Variants in PTPRJ observed in about 807,000 individuals in gnomAD.
PTPRJ encodes receptor-type tyrosine-protein phosphatase eta.
A neutral mutation model predicts 141.3 loss-of-function variants in PTPRJ; 129 were observed. That is an observed-to-expected ratio of 0.91 (90% confidence interval 0.79 to 1.06). The LOEUF (loss-of-function observed/expected upper bound fraction) is 1.06. Ranked by LOEUF, PTPRJ falls within the 50% of genes least tolerant of loss-of-function variation. The pLI is 0.00. For synonymous variants in PTPRJ, 610 were observed against 640.5 expected (o/e 0.95, Z 0.72); for missense variants, 1,601 against 1,679.7 (o/e 0.95, Z 0.82).
chr11:47,992,277 G>A (rs1011211823), intron 1 of PTPRJ, among the ~76,000 whole-genome samples: 31 of 152,038 alleles, frequency 2.0e-4, no homozygotes, highest in Non-Finnish European at 4.1e-4. Context: ...GGGTTCAAGC[G>A]ATTCTTGTGC....
At chr11:48,000,269 T>TA (rs1854459323) in intron 1 of PTPRJ, among the ~76,000 whole-genome samples, 3 of 151,592 alleles carry the variant, frequency 2.0e-5, no homozygotes, top group African/African-American at 7.3e-5. Context: ...CCTGCCTGAG[T>TA]AGCTGGGACT....
chr11:48,030,254 A>C (rs772127150), intron 1 of PTPRJ, among the ~76,000 whole-genome samples: 71 of 152,208 alleles, frequency 4.7e-4, no homozygotes, highest in Non-Finnish European at 8.8e-5. Flanking sequence ...AACAGCAACA[A>C]ATCAGATTTA....
rs780684258 is a variant in PTPRJ, at chr11:48,159,977, A to C, written c.3486A>C (p.Gly1162=). The C allele has an allele frequency of 1.2e-6, 2 of 1,614,000 alleles. No homozygotes were observed. The highest frequency in any genetic ancestry group is 2.2e-5 in the South Asian group (2 of 91,080). The part of the protein sequence containing the change: ...YWPSKQAQDY[G]DITVAMTSEI... The stretch of plus-strand genomic sequence containing the variant: ...CCTCCAAGCAGGCTCAGGACTATGG[A>C]GACATAACTGTGGCAATGACATCAG... Residue 1162 remains glycine, a synonymous_variant, in exon 22 of 25, where the codon GGA becomes GGC. Transcript: ENST00000418331.
intron 1 of PTPRJ, among the ~76,000 whole-genome samples, chr11:48,068,494 C>T (rs568804996): frequency 2.3e-4 from 35 of 152,270 alleles, no homozygotes; most frequent in Non-Finnish European, 4.3e-4. Context: ...GACTTTGCGC[C>T]TCCTTCCCCT....
intron 1 of PTPRJ, among the ~76,000 whole-genome samples, chr11:48,058,661 C>T (rs1238067593): frequency 6.6e-6 from 1 of 152,214 alleles, no homozygotes; most frequent in Non-Finnish European, 1.5e-5. Flanking sequence ...CGTCTCTCAC[C>T]TGGATTAGTG....
At chr11:48,017,199 A>G (rs1854974764) in intron 1 of PTPRJ, among the ~76,000 whole-genome samples, 1 of 152,204 alleles carries the variant, frequency 6.6e-6, no homozygotes, top group African/African-American at 2.4e-5. Context: ...CTGCTATCAG[A>G]TTGGAAACAG....
At chr11:48,018,679 G>A (rs1232235935) in intron 1 of PTPRJ, among the ~76,000 whole-genome samples, 2 of 152,202 alleles carry the variant, frequency 1.3e-5, no homozygotes, top group Non-Finnish European at 2.9e-5. Flanking sequence ...GGGGAGGGGC[G>A]TCGGGGCCCA....
chr11:48,121,332 G>T, intron 4 of PTPRJ, 66 bp downstream of exon 4: 1 of 1,509,418 alleles, frequency 6.6e-7, no homozygotes. Context: ...CTAGGGCCTT[G>T]TCCGTTCAAG....
intron 18 of PTPRJ, 115 bp from the exon 19 acceptor site, chr11:48,153,681 T>C (rs1857536954): frequency 1.5e-6 from 1 of 663,956 alleles, no homozygotes; most frequent in Non-Finnish European, 2.6e-6. Flanking sequence ...CTATGTTTAT[T>C]CAAAAACAAC....
chr11:48,051,831 GCTT>G (rs1170857822), intron 1 of PTPRJ, among the ~76,000 whole-genome samples: 2 of 152,176 alleles, frequency 1.3e-5, no homozygotes, highest in Non-Finnish European at 2.9e-5. Context: ...TTGAATTCTA[GCTT>G]CTTCTATGAC....
At chr11:47,998,036 C>T (rs1055710690) in intron 1 of PTPRJ, among the ~76,000 whole-genome samples, 1 of 152,046 alleles carries the variant, frequency 6.6e-6, no homozygotes, top group Non-Finnish European at 1.5e-5. Context: ...GTGCACACAA[C>T]CTATCAAGAA....
chr11:48,010,759 C>T (rs1248082856), intron 1 of PTPRJ, among the ~76,000 whole-genome samples: 2 of 152,088 alleles, frequency 1.3e-5, no homozygotes, highest in Middle Eastern at 3.2e-3. Flanking sequence ...TGGTCTCGAA[C>T]TCCTGACCTC....
intron 1 of PTPRJ, among the ~76,000 whole-genome samples, chr11:48,045,147 GC>G (rs1489372220): frequency 6.6e-6 from 1 of 152,140 alleles, no homozygotes; most frequent in Non-Finnish European, 1.5e-5. Context: ...TTAATTTGAG[GC>G]CTGGATTTTG....
In PTPRJ at chr11:47,989,130, G is replaced by A. The variant is rs1313618181; in HGVS notation, c.96+8122G>A. Reference sequence around the variant, plus strand: ...GATCTCCTGACCTTGTGATCCGCCCGCCTCGGCCTCCCAAAGTGCTGGGAT... The same window carrying A: ...GATCTCCTGACCTTGTGATCCGCCCACCTCGGCCTCCCAAAGTGCTGGGAT... On this transcript the variant is annotated intron_variant, in intron 1 of 24. Transcript: ENST00000418331. Among the ~76,000 whole-genome samples, 10 of 151,554 alleles carry A rather than the reference G, an allele frequency of 6.6e-5. 1 individual carries two copies. Among genetic ancestry groups the A allele is most frequent in the Admixed American group, 2.6e-4 (4 of 15,234 alleles).
intron 1 of PTPRJ, among the ~76,000 whole-genome samples, chr11:48,099,669 C>G (rs1468265045): frequency 6.6e-6 from 1 of 152,118 alleles, no homozygotes; most frequent in East Asian, 1.9e-4. Flanking sequence ...TTTTCCATTG[C>G]ATGGATGTCA....
chr11:48,039,303 T>C (rs1202405697), intron 1 of PTPRJ, among the ~76,000 whole-genome samples: 3 of 151,856 alleles, frequency 2.0e-5, no homozygotes, highest in South Asian at 4.1e-4. Context: ...GTTTTGTTAT[T>C]CAGGCAGTGG....
intron 1 of PTPRJ, among the ~76,000 whole-genome samples, chr11:48,041,788 C>G (rs1854277988): frequency 6.6e-6 from 1 of 151,940 alleles, no homozygotes; most frequent in South Asian, 2.1e-4. Context: ...CCATGCCTGG[C>G]TAATTTTTGT....
chr11:48,111,848 G>A (rs1414168751), intron 2 of PTPRJ, among the ~76,000 whole-genome samples: 1 of 152,082 alleles, frequency 6.6e-6, no homozygotes, highest in African/African-American at 2.4e-5. Context: ...GGGTGGCGGA[G>A]CACAAGTCAG....
At chr11:48,090,282 C>T (rs976879555) in intron 1 of PTPRJ, among the ~76,000 whole-genome samples, 10 of 152,298 alleles carry the variant, frequency 6.6e-5, no homozygotes, top group Middle Eastern at 3.4e-3. Flanking sequence ...TTCTGGTACC[C>T]TCTTTTGTCT....
Sources: allele counts gnomAD v4.1 joint callset (sites outside exome capture counted in the v4.1 genomes callset), GRCh38; gene constraint gnomAD v4.1.1; transcripts MANE v1.5; gene names NCBI Gene and HGNC (gene_info 2026-07-23, HGNC 2026-07-21).